SLC24A2: variants seen among roughly 807,000 people sequenced by gnomAD.
The protein encoded by SLC24A2 is solute carrier family 24 member 2.
SLC24A2 carries 36 observed loss-of-function variants against 62.0 expected under a neutral mutation model. The observed-to-expected ratio is 0.58, with a 90% CI of 0.44 to 0.77. The LOEUF (loss-of-function observed/expected upper bound fraction) is 0.77, where lower values mean the gene tolerates loss of function less well. SLC24A2 is among the 30% of genes least tolerant of loss of function. The probability of loss-of-function intolerance (pLI) is 0.00; values close to 1 mark genes in which losing one functional copy is unlikely to be tolerated. For synonymous variants in SLC24A2, 358 were observed against 294.0 expected (o/e 1.22, Z -2.23); for missense variants, 846 against 817.9 (o/e 1.03, Z -0.42).
the SLC24A2 span, among the ~76,000 whole-genome samples, chr9:20,268,734 G>T: frequency 1.3e-5 from 2 of 152,306 alleles, no homozygotes; most frequent in South Asian, 4.1e-4. Context: ...CTTCAGGCTT[G>T]CCTCTCATGT....
chr9:19,839,559 T>G, the SLC24A2 span, among the ~76,000 whole-genome samples: 1 of 152,122 alleles, frequency 6.6e-6, no homozygotes, highest in Non-Finnish European at 1.5e-5. Context: ...ATGTAGCAAA[T>G]ATATTCTAAA....
At chr9:20,045,519 C>T in the SLC24A2 span, among the ~76,000 whole-genome samples, 2 of 152,144 alleles carry the variant, frequency 1.3e-5, no homozygotes, top group Non-Finnish European at 2.9e-5. Context: ...GCAATCTCTG[C>T]CTCCCAGGTT....
chr9:20,299,860 T>C, the SLC24A2 span, among the ~76,000 whole-genome samples: 1 of 152,246 alleles, frequency 6.6e-6, no homozygotes, highest in South Asian at 2.1e-4. Context: ...TGCATTGCTC[T>C]TTTCACTACA....
chr9:20,058,555 T>C, the SLC24A2 span, among the ~76,000 whole-genome samples: 1 of 151,100 alleles, frequency 6.6e-6, no homozygotes, highest in Non-Finnish European at 1.5e-5. Flanking sequence ...TTTTCTACAG[T>C]GGAGCATAAG....
At chr9:19,530,013 A>G (rs1243118474) in intron 8 of SLC24A2, among the ~76,000 whole-genome samples, 1 of 151,422 alleles carries the variant, frequency 6.6e-6, no homozygotes, top group Non-Finnish European at 1.5e-5. Context: ...TCAGCCTCCC[A>G]AAGTGCTAGG....
At chr9:20,214,477 T>C in the SLC24A2 span, among the ~76,000 whole-genome samples, 1 of 151,868 alleles carries the variant, frequency 6.6e-6, no homozygotes, top group Admixed American at 6.6e-5. Flanking sequence ...TAGCTGGGCA[T>C]TGTGGTGGGC....
At chr9:20,289,470 C>T in the SLC24A2 span, among the ~76,000 whole-genome samples, 10 of 152,112 alleles carry the variant, frequency 6.6e-5, no homozygotes, top group African/African-American at 1.9e-4. Context: ...TTTTGAATGC[C>T]GGCTCTTCCC....
the SLC24A2 span, among the ~76,000 whole-genome samples, chr9:20,020,971 G>C: frequency 6.6e-5 from 10 of 152,106 alleles, no homozygotes; most frequent in African/African-American, 2.4e-4. Context: ...TCCAATTGGA[G>C]AATTACGAAT....
the SLC24A2 span, among the ~76,000 whole-genome samples, chr9:20,250,818 A>G: frequency 6.6e-6 from 1 of 152,234 alleles, no homozygotes; most frequent in Non-Finnish European, 1.5e-5. Flanking sequence ...CAGAATGACT[A>G]TATGGGTCAC....
the SLC24A2 span, among the ~76,000 whole-genome samples, chr9:20,012,797 T>C: frequency 6.6e-6 from 1 of 152,116 alleles, no homozygotes; most frequent in Non-Finnish European, 1.5e-5. Context: ...TTTATTTCCA[T>C]TTACAATAGC....
intron 2 of SLC24A2, among the ~76,000 whole-genome samples, chr9:19,628,508 C>A (rs1406340508): frequency 6.6e-6 from 1 of 152,136 alleles, no homozygotes; most frequent in Non-Finnish European, 1.5e-5. Flanking sequence ...CTTGCCTTCC[C>A]CTGAAAAATC....
chr9:19,633,723 T>C (rs754950320), intron 2 of SLC24A2, among the ~76,000 whole-genome samples: 2 of 152,230 alleles, frequency 1.3e-5, no homozygotes, highest in South Asian at 2.1e-4. Context: ...GTGTGCTTAT[T>C]TGCCATTTGT....
At chr9:20,271,579 T>A in the SLC24A2 span, among the ~76,000 whole-genome samples, 4 of 152,218 alleles carry the variant, frequency 2.6e-5, no homozygotes, top group Non-Finnish European at 4.4e-5. Flanking sequence ...CTAGGTGCAA[T>A]AGACAAATGA....
At chr9:19,694,631 C>T (rs1160206390) in intron 2 of SLC24A2, among the ~76,000 whole-genome samples, 2 of 152,042 alleles carry the variant, frequency 1.3e-5, no homozygotes, top group Non-Finnish European at 2.9e-5. Context: ...ATGTCAATTG[C>T]ACATATTTTA....
chr9:19,813,414 C>T, the SLC24A2 span, among the ~76,000 whole-genome samples: 1 of 150,062 alleles, frequency 6.7e-6, no homozygotes, highest in South Asian at 2.1e-4. Flanking sequence ...TCTCCACCTC[C>T]TGGGTTCAAG....
intron 7 of SLC24A2, among the ~76,000 whole-genome samples, chr9:19,554,627 G>A (rs1166470540): frequency 1.3e-5 from 2 of 152,230 alleles, no homozygotes; most frequent in African/African-American, 4.8e-5. Flanking sequence ...ATGTGATTAA[G>A]TTCTGGCCAA....
intron 5 of SLC24A2, among the ~76,000 whole-genome samples, chr9:19,596,043 C>T (rs1029639218): frequency 6.6e-6 from 1 of 152,152 alleles, no homozygotes; most frequent in African/African-American, 2.4e-5. Flanking sequence ...TGGTCTGCTG[C>T]TTTAGAAAAT....
chr9:19,882,372 T>C, the SLC24A2 span, among the ~76,000 whole-genome samples: 2 of 152,214 alleles, frequency 1.3e-5, no homozygotes, highest in Admixed American at 1.3e-4. Flanking sequence ...TGTATTTTTT[T>C]CCTTCTGAAA....
the SLC24A2 span, among the ~76,000 whole-genome samples, chr9:20,032,752 G>A: frequency 1.3e-5 from 2 of 152,164 alleles, no homozygotes; most frequent in Non-Finnish European, 2.9e-5. Context: ...CCATGAATGA[G>A]GTGGTGGCGG....
Sources: gnomAD v4.1 joint callset for allele counts (sites outside exome capture counted in the v4.1 genomes callset) on GRCh38, gnomAD v4.1.1 for gene constraint, MANE v1.5 for transcripts, NCBI Gene and HGNC (gene_info 2026-07-23, HGNC 2026-07-21) for gene names.